FBXL13: variants seen among roughly 807,000 people sequenced by gnomAD.
FBXL13 encodes the protein F-box and leucine rich repeat protein 13.
Under a neutral mutation model 83.6 loss-of-function variants are expected in FBXL13, and 67 were observed. That is an observed-to-expected ratio of 0.80 (90% CI 0.66 to 0.98). The LOEUF (loss-of-function observed/expected upper bound fraction) is 0.98, where lower values mean the gene tolerates loss of function less well. FBXL13 is among the 50% of genes least tolerant of loss of function. The pLI is 0.00. For synonymous variants in FBXL13, 272 were observed against 299.5 expected (o/e 0.91, Z 0.95); for missense variants, 822 against 866.5 (o/e 0.95, Z 0.64).
intron 4 of FBXL13, among the ~76,000 whole-genome samples, chr7:103,028,263 C>G (rs1460300605): frequency 6.6e-6 from 1 of 152,116 alleles, no homozygotes. Context: ...AACCTCTTTA[C>G]AAAAATAGTC....
rs567320669 is a variant in FBXL13 at position 102,822,351 on chromosome 7, G to C, written c.1855-148C>G. 23 of 806,684 alleles carry C rather than the reference G, an allele frequency of 2.9e-5. 1 individual carries two copies. The African/African-American group carries it at 3.4e-4, about 12-fold the overall frequency. The allele number at this position is 806,684 out of a possible 1,614,324, so 50.0% of individuals were successfully genotyped here. A position where few individuals can be genotyped will look rare whatever the true frequency, so the allele number is the denominator to read the frequency against. Reference sequence around the variant, plus strand: ...TATTTCTCACAGTTCTAGAGGCTGGGAAGTCCAAGACTGAGATAAAGATAG... The same window carrying C: ...TATTTCTCACAGTTCTAGAGGCTGGCAAGTCCAAGACTGAGATAAAGATAG... On this transcript the variant is annotated intron_variant, in intron 18 of 19. Coordinates refer to ENST00000313221, the Ensembl canonical transcript of FBXL13.
intron 11 of FBXL13, among the ~76,000 whole-genome samples, chr7:102,900,362 T>C (rs1339617585): frequency 6.6e-6 from 1 of 152,214 alleles, no homozygotes; most frequent in Non-Finnish European, 1.5e-5. Context: ...CAAAAAGCAT[T>C]TAGGTGTAAG....
chr7:102,875,825 G>A lies in FBXL13; in HGVS notation c.1635+1642C>T, dbSNP rs573213010. On this transcript the variant is annotated intron_variant, in intron 16 of 19. Coordinates refer to ENST00000313221, the Ensembl canonical transcript of FBXL13. ...ATGATGTTATTGAAGCCCAGAGGCC[G>A]ACTTCATTCAGGGAAGCTGGAACCA... Among the ~76,000 whole-genome samples the A allele has an allele frequency of 2.6e-5, 4 of 152,206 alleles. No homozygotes were observed. The East Asian group carries it at 7.7e-4, about 29-fold the overall frequency.
chr7:103,054,927 CA>C (rs1170745010), intron 2 of FBXL13, among the ~76,000 whole-genome samples, 160 bp downstream of exon 3: 4 of 151,914 alleles, frequency 2.6e-5, no homozygotes, highest in African/African-American at 4.8e-5. Flanking sequence ...TGTGGCTTTG[CA>C]TGCGTCTGTG....
chr7:102,954,694 G>A (rs1823971913), intron 8 of FBXL13, among the ~76,000 whole-genome samples: 1 of 152,130 alleles, frequency 6.6e-6, no homozygotes, highest in Non-Finnish European at 1.5e-5. Context: ...AGGGATGCGG[G>A]AAGATCTACC....
At chr7:103,019,362 G>C (rs912509415) in intron 6 of FBXL13, among the ~76,000 whole-genome samples, 1 of 152,156 alleles carries the variant, frequency 6.6e-6, no homozygotes, top group Non-Finnish European at 1.5e-5. Flanking sequence ...ATGCCCACAA[G>C]AGAAAGCAGG....
At chr7:103,003,501 G>A (rs1233849935) in intron 6 of FBXL13, among the ~76,000 whole-genome samples, 1 of 151,692 alleles carries the variant, frequency 6.6e-6, no homozygotes, top group Non-Finnish European at 1.5e-5. Flanking sequence ...TGGTCAGGCT[G>A]GTCTCAAACT....
chr7:102,898,705 G>A (rs1812588129), intron 11 of FBXL13, among the ~76,000 whole-genome samples: 1 of 152,232 alleles, frequency 6.6e-6, no homozygotes, highest in African/African-American at 2.4e-5. Context: ...GATTTCATCT[G>A]GCATCCTGGA....
chr7:102,834,086 A>AAGGAAGGAAGGAAAAG (rs1562925844), intron 17 of FBXL13, among the ~76,000 whole-genome samples: 1 of 93,676 alleles, frequency 1.1e-5, no homozygotes, highest in African/African-American at 4.6e-5. Context: ...GGAAGGAAAG[A>AAGGAAGGAAGGAAAAG]AAAGAAAGAA....
intron 11 of FBXL13, among the ~76,000 whole-genome samples, chr7:102,888,471 G>T (rs1313465365): frequency 6.6e-6 from 1 of 152,256 alleles, no homozygotes; most frequent in Non-Finnish European, 1.5e-5. Flanking sequence ...GGCGGAACTT[G>T]CAGTGAGCTG....
At chr7:102,931,843 CT>C (rs1489845740) in intron 9 of FBXL13, 37 bp downstream of exon 10, 1 of 1,589,900 alleles carries the variant, frequency 6.3e-7, no homozygotes, top group Non-Finnish European at 8.6e-7. Flanking sequence ...GCAAGTCAAT[CT>C]ATATAAACAG....
intron 19 of FBXL13, 75 bp from the exon 21 acceptor site, chr7:102,813,606 T>C: frequency 6.7e-7 from 1 of 1,482,180 alleles, no homozygotes; most frequent in South Asian, 1.3e-5. Flanking sequence ...TCAACCAAAT[T>C]TGGAGTTAGG....
chr7:102,857,552 C>A, intron 16 of FBXL13: 1 of 153,584 alleles, frequency 6.5e-6, no homozygotes. Flanking sequence ...CTTCCCTCAC[C>A]GTTCCATGTG....
At chr7:102,847,757 G>C (rs1041556814) in intron 17 of FBXL13, among the ~76,000 whole-genome samples, 6 of 151,980 alleles carry the variant, frequency 3.9e-5, no homozygotes, top group Non-Finnish European at 8.8e-5. Flanking sequence ...TCAAACTCCT[G>C]GCCTCAGGTA....
chr7:102,963,635 G>T (rs1825626312), exon 8 of FBXL13: 1 of 1,602,508 alleles, frequency 6.2e-7, no homozygotes. Context: ...TATTTATCTG[G>T]AATCACATTT....
At chr7:103,014,650 G>A (rs552154654) in intron 6 of FBXL13, among the ~76,000 whole-genome samples, 14 of 152,114 alleles carry the variant, frequency 9.2e-5, no homozygotes, top group Admixed American at 2.0e-4. Flanking sequence ...TGGGCCGGGC[G>A]CGGTGGCTCA....
exon 6 of FBXL13, chr7:103,025,158 A>G (rs780407541): frequency 3.7e-6 from 6 of 1,611,404 alleles, no homozygotes; most frequent in Non-Finnish European, 5.1e-6. Context: ...GGAAAATTGG[A>G]TTCTTCTGCA....
chr7:102,936,373 A>G (rs6947403), intron 8 of FBXL13: 116,620 of 152,154 alleles, frequency 0.77, 45,368 homozygotes, highest in Middle Eastern at 0.83. Flanking sequence ...GCCAGAGCCT[A>G]TGAGCTCTCT....
chr7:103,019,527 A>G (rs1225356278), intron 6 of FBXL13, among the ~76,000 whole-genome samples: 2 of 152,222 alleles, frequency 1.3e-5, no homozygotes, highest in African/African-American at 4.8e-5. Flanking sequence ...AAATCAATGA[A>G]TCCAGGAGCT....
Sources: gnomAD v4.1 joint callset for allele counts (sites outside exome capture counted in the v4.1 genomes callset) on GRCh38, gnomAD v4.1.1 for gene constraint, MANE v1.5 for transcripts, NCBI Gene and HGNC (gene_info 2026-07-23, HGNC 2026-07-21) for gene names.